COL11A2: variants seen among roughly 807,000 people sequenced by gnomAD.
COL11A2 encodes the protein collagen alpha-2(XI) chain.
A neutral mutation model predicts 273.4 loss-of-function variants in COL11A2; 116 were observed. That is an observed-to-expected ratio of 0.42 (90% CI 0.36 to 0.49). The LOEUF is 0.49. Among genes scored for constraint, COL11A2 ranks in the 20% least tolerant of loss-of-function variants. The pLI, the probability that COL11A2 is intolerant of heterozygous loss-of-function variation, is 0.00. For synonymous variants in COL11A2, 782 were observed against 864.2 expected, an observed-to-expected ratio of 0.90 and a Z score of 1.67; for missense variants, 1,866 against 2,309.0, an observed-to-expected ratio of 0.81 and a Z score of 3.93.
At chr6:33,185,145 C>T (rs569558221) in intron 6 of COL11A2, 91 bp from the exon 7 acceptor site, 36 of 933,574 alleles carry the variant, frequency 3.9e-5, no homozygotes, top group African/African-American at 3.6e-4. Context: ...ACCTGTCCCC[C>T]GAGGGCAGGG....
chr6:33,166,687 C>G lies in COL11A2; in HGVS notation c.4338+33G>C. On this transcript the variant is annotated intron_variant, in intron 59 of 65. Transcript: ENST00000341947. This position sits in a 1 kb window ranked among gnomAD's most constrained non-coding sequence, Gnocchi z 4.8. ...ACCCCTCTCCACCCCACTCTCAACC[C>G]CCACAACTTCCGGGACCATGCCCTC... is the stretch of plus-strand genomic sequence containing the variant. 1 of 1,613,518 alleles carries G rather than the reference C, an allele frequency of 6.2e-7. No homozygotes were observed. Among genetic ancestry groups the G allele is most frequent in the East Asian group, 2.2e-5 (1 of 44,868 alleles).
rs550977861 is a variant in COL11A2 at position 33,164,859 on chromosome 6, A to G, written c.4856T>C (p.Val1619Ala). 1 of 1,559,146 alleles carries G rather than the reference A, an allele frequency of 6.4e-7. No homozygotes were observed. The highest frequency in any genetic ancestry group is 8.7e-7 in the Non-Finnish European group (1 of 1,150,582). ...GETCVTPRDD[V>A]TQFSYVDSEG... ...CGAGGGGCCAGCTCTCACCTGCGTGACGTCATCCCTAGGCGTCACACAGGT... is the reference window on the plus strand; with the variant it reads ...CGAGGGGCCAGCTCTCACCTGCGTGGCGTCATCCCTAGGCGTCACACAGGT... The change falls in exon 64 of 66, where the codon GTC (valine) becomes GCC (alanine). Residue 1619 changes from valine (V) to alanine (A), a missense_variant. Coordinates refer to ENST00000341947, the MANE Select transcript of COL11A2 (RefSeq NM_080680.3). This position sits in a 1 kb window ranked among gnomAD's most constrained non-coding sequence, Gnocchi z 4.7.
chr6:33,175,557 A>T lies in COL11A2; in HGVS notation c.2376+17T>A, dbSNP rs753064716. The stretch of plus-strand genomic sequence containing the variant: ...ACACCCCCAGAGGACCCAGGCACAG[A>T]ACCCTCATCCCATCACCTTCTCGCC... On this transcript the variant is annotated intron_variant, in intron 30 of 65. Coordinates refer to ENST00000341947, the MANE Select transcript of COL11A2 (RefSeq NM_080680.3). 6.2e-7 allele frequency: 1 copy of T among 1,609,356 alleles called. No individual in the cohort carries two copies. The highest frequency in any genetic ancestry group is 2.2e-5 in the East Asian group (1 of 44,872).
chr6:33,193,340 A>G (rs1215260908), upstream of COL11A2, among the ~76,000 whole-genome samples: 1 of 151,646 alleles, frequency 6.6e-6, no homozygotes, highest in Non-Finnish European at 1.5e-5. Context: ...CGGAGAGGGC[A>G]CGAGCGAACA....
chr6:33,172,282 C>T lies in COL11A2; in HGVS notation c.2988+7G>A, dbSNP rs1273234668. 1.9e-6 allele frequency: 3 copies of T among 1,584,100 alleles called. No individual in the cohort carries two copies. Among genetic ancestry groups the T allele is most frequent in the African/African-American group, 1.3e-5 (1 of 74,536 alleles). ...GTGACAGGCAGGGGTCTGGGAGTCA[C>T]ACTCACAGCAGTGCCTGGGAGGCCT... is the stretch of plus-strand genomic sequence containing the variant. On this transcript the variant is annotated splice_region_variant and intron_variant, in intron 40 of 65. Coordinates refer to ENST00000341947, the MANE Select transcript of COL11A2 (RefSeq NM_080680.3).
chr6:33,179,948 G>A lies in COL11A2; in HGVS notation c.1360-143C>T. The A allele has an allele frequency of 3.7e-6, 3 of 806,616 alleles. No individual in the cohort carries two copies. The highest frequency in any genetic ancestry group is 6.3e-6 in the Non-Finnish European group (3 of 479,486). 50.0% of individuals were successfully genotyped at this position (806,616 alleles called of 1,614,324 possible). ...CCCATGGCTTCCAGATAATCACTTA[G>A]AGGATTCCAGAAACTCAACTCCTGC... On this transcript the variant is annotated intron_variant, in intron 12 of 65. Coordinates refer to ENST00000341947, the MANE Select transcript of COL11A2 (RefSeq NM_080680.3). This position sits in a 1 kb window ranked among gnomAD's most constrained non-coding sequence, Gnocchi z 6.4.
chr6:33,168,910 A>C, intron 52 of COL11A2, 45 bp downstream of exon 52: 3 of 1,215,012 alleles, frequency 2.5e-6, no homozygotes, highest in Non-Finnish European at 3.5e-6. Flanking sequence ...CCCCCCATAG[A>C]AGCCCCACCC....
chr6:33,166,922 G>T lies in COL11A2; in HGVS notation c.4231-95C>A. ...GGACATGGAGAGGGAGCCGGGCACA[G>T]GGTCCGTGAGTGGCCCTCACTGAGC... is the stretch of plus-strand genomic sequence containing the variant. On this transcript the variant is annotated intron_variant, in intron 58 of 65. Transcript: ENST00000341947. This position sits in a 1 kb window ranked among gnomAD's most constrained non-coding sequence, Gnocchi z 4.8. 1 of 1,517,950 alleles carries T rather than the reference G, an allele frequency of 6.6e-7. No individual in the cohort carries two copies. The allele number at this position is 1,517,950 out of a possible 1,614,324, so 94.0% of individuals were successfully genotyped here.
intron 8 of COL11A2, among the ~76,000 whole-genome samples, chr6:33,181,588 C>T (rs1000091006): frequency 1.9e-4 from 29 of 152,282 alleles, no homozygotes; most frequent in African/African-American, 6.0e-4. Context: ...GATTCTCCTG[C>T]CTCAGCCTCC....
At position 33,178,779 on chromosome 6, in the gene COL11A2, G is replaced by T; in HGVS notation, c.1666-47C>A. ...AGAGTGAGGACACGACCCTGTCCAA[G>T]CCCACCCCTCCCTACTGCACCCTGA... On this transcript the variant is annotated intron_variant, in intron 17 of 65. Transcript: ENST00000341947. The surrounding 1 kb of genome is among the most constrained non-coding windows in gnomAD (Gnocchi z 4.6). 1 of 1,610,550 alleles carries T rather than the reference G, an allele frequency of 6.2e-7. No homozygotes were observed. Among genetic ancestry groups the T allele is most frequent in the Non-Finnish European group, 8.5e-7 (1 of 1,177,902 alleles).
chr6:33,177,673 T>C lies in COL11A2; in HGVS notation c.1906A>G (p.Lys636Glu). Residue 636 changes from lysine (K) to glutamate (E), a missense_variant, in exon 22 of 66, where the codon AAA becomes GAA. By Grantham distance (56) the Lys-to-Glu change is moderately conservative. Coordinates refer to ENST00000341947, the MANE Select transcript of COL11A2 (RefSeq NM_080680.3). The surrounding 1 kb of genome is among the most constrained non-coding windows in gnomAD (Gnocchi z 5.9). ...VRGMDGPQGP[K>E]GSLGPQGEPG... The stretch of plus-strand genomic sequence containing the variant: ...TATCCATCACTCACCAAGCTCCCTT[T>C]GGGGCCCTGGGGACCATCCATGCCT... 2 of 1,612,960 alleles carry C rather than the reference T, an allele frequency of 1.2e-6. No individual in the cohort carries two copies. The highest frequency in any genetic ancestry group is 1.7e-6 in the Non-Finnish European group (2 of 1,179,976).
At position 33,179,331 on chromosome 6, in the gene COL11A2, A is replaced by C; in HGVS notation, c.1504-47T>G. On this transcript the variant is annotated intron_variant, in intron 14 of 65. Coordinates refer to ENST00000341947, the MANE Select transcript of COL11A2 (RefSeq NM_080680.3). The surrounding 1 kb of genome is among the most constrained non-coding windows in gnomAD (Gnocchi z 6.4). ...GGCCGTAAGGAAGGACACAGCCAACAGTGGCCTCGGAGTGTTCCCCAAAAG... is the reference window on the plus strand; with the variant it reads ...GGCCGTAAGGAAGGACACAGCCAACCGTGGCCTCGGAGTGTTCCCCAAAAG... The C allele has an allele frequency of 6.3e-7, 1 of 1,592,626 alleles. No homozygotes were observed. Among genetic ancestry groups the C allele is most frequent in the Admixed American group, 1.8e-5 (1 of 55,360 alleles).
chr6:33,167,997 T>G lies in COL11A2; in HGVS notation c.3961-145A>C. ...CACGCGCCGAGGGCCGATTCACAGA[T>G]GTGCAGAACAGATACAGCTGTGACA... On this transcript the variant is annotated intron_variant, in intron 54 of 65. Transcript: ENST00000341947. The surrounding 1 kb of genome is among the most constrained non-coding windows in gnomAD (Gnocchi z 6.1). 2 of 835,764 alleles carry G rather than the reference T, an allele frequency of 2.4e-6. No homozygotes were observed. The highest frequency in any genetic ancestry group is 5.3e-5 in the East Asian group (2 of 37,762). 51.8% of individuals were successfully genotyped at this position (835,764 alleles called of 1,614,324 possible). A position where few individuals can be genotyped will look rare whatever the true frequency, so the allele number is the denominator to read the frequency against.
At chr6:33,188,556 CTT>C in intron 3 of COL11A2, 32 bp from the exon 4 acceptor site, 1 of 1,612,784 alleles carries the variant, frequency 6.2e-7, no homozygotes, top group Non-Finnish European at 8.5e-7. Context: ...CAAGTGAACT[CTT>C]GGCTGACTGA....
chr6:33,187,723 G>A (rs547518524), intron 4 of COL11A2, among the ~76,000 whole-genome samples: 12 of 152,212 alleles, frequency 7.9e-5, no homozygotes, highest in Admixed American at 2.6e-4. Context: ...CGGATGGGAA[G>A]TAAGTGGGTC....
At position 33,168,523 on chromosome 6, in the gene COL11A2, T is replaced by C. The variant is rs752011409; in HGVS notation, c.3956A>G (p.Lys1319Arg). Reference sequence around the variant, plus strand: ...TCAGGGGTCCACCTCACTTACTCGCTTTCCAAGTGGCCCTGGGGGTCCATT... The same window carrying C: ...TCAGGGGTCCACCTCACTTACTCGCCTTCCAAGTGGCCCTGGGGGTCCATT... ...GENGPPGPLG[K>R]RGPAGSPGSE... Residue 1319 changes from lysine (K) to arginine (R), a missense_variant, in exon 54 of 66, where the codon AAG (lysine) becomes AGG (arginine). Transcript: ENST00000341947. 1 of 1,613,496 alleles carries C rather than the reference T, an allele frequency of 6.2e-7. No homozygotes were observed. Among genetic ancestry groups the C allele is most frequent in the Non-Finnish European group, 8.5e-7 (1 of 1,179,904 alleles).
At chr6:33,184,073 G>A (rs1225270712) in intron 8 of COL11A2, 72 bp downstream of exon 8, 20 of 1,315,690 alleles carry the variant, frequency 1.5e-5, no homozygotes, top group South Asian at 9.2e-5. Flanking sequence ...GCCAAGGATC[G>A]AAACCAACAA....
rs1772928769 is a variant in COL11A2, at chr6:33,190,031, C to G, written c.83-562G>C. Among the ~76,000 whole-genome samples, 2 of 152,152 alleles carry G rather than the reference C, an allele frequency of 1.3e-5. No homozygotes were observed. The highest frequency in any genetic ancestry group is 2.1e-4 in the South Asian group (1 of 4,830). ...CCTGGACACAGGAGGTGCAGGGGGG[C>G]CACGAGGAAGAGATCAGAGAAGCAG... On this transcript the variant is annotated intron_variant, in intron 1 of 65. Coordinates refer to ENST00000341947, the MANE Select transcript of COL11A2 (RefSeq NM_080680.3). This position sits in a 1 kb window ranked among gnomAD's most constrained non-coding sequence, Gnocchi z 4.5.
At position 33,173,409 on chromosome 6, in the gene COL11A2, G is replaced by A; in HGVS notation, c.2683-8C>T. 1.9e-6 allele frequency: 3 copies of A among 1,613,170 alleles called. No homozygotes were observed. Among genetic ancestry groups the A allele is most frequent in the Non-Finnish European group, 2.5e-6 (3 of 1,179,960 alleles). On this transcript the variant is annotated splice_region_variant and splice_polypyrimidine_tract_variant and intron_variant, in intron 36 of 65. Transcript: ENST00000341947. This position sits in a 1 kb window ranked among gnomAD's most constrained non-coding sequence, Gnocchi z 6.3. ...ATCCTTCCCAGGGGGGCCCTGGAAG[G>A]GGTTCAGTTGTCAGGTGAACTCTCA...
Sources: gnomAD v4.1 joint callset for allele counts (sites outside exome capture counted in the v4.1 genomes callset) on GRCh38, gnomAD v4.1.1 for gene constraint, Gnocchi (gnomAD v3.1) non-coding constraint, MANE v1.5 for transcripts, NCBI Gene and HGNC (gene_info 2026-07-23, HGNC 2026-07-21) for gene names.